The following DLGAP4 variants were observed in gnomAD, a reference collection of about 807,000 sequenced individuals.
DLGAP4 encodes DLG associated protein 4.
Under a neutral mutation model 86.9 loss-of-function variants are expected in DLGAP4, and 18 were observed. The ratio of observed to expected loss-of-function variants is 0.21; its 90% CI spans 0.14 to 0.31. DLGAP4 has a LOEUF of 0.31. Among genes scored for constraint, DLGAP4 ranks in the 10% least tolerant of loss-of-function variants. The probability of loss-of-function intolerance (pLI) is 1.00; values close to 1 mark genes in which losing one functional copy is unlikely to be tolerated. For missense variants in DLGAP4, 1,085 were observed against 1,362.6 expected, an observed-to-expected ratio of 0.80 and a Z score of 3.21; for synonymous variants, 548 against 574.3, an observed-to-expected ratio of 0.95 and a Z score of 0.65.
chr20:36,467,257 A>G (rs1341477443), intron 7 of DLGAP4, among the ~76,000 whole-genome samples: 1 of 152,226 alleles, frequency 6.6e-6, no homozygotes, highest in Admixed American at 6.5e-5. Context: ...CTGAGAAGGA[A>G]GAAGTGAGCA....
intron 6 of DLGAP4, 78 bp from the exon 7 acceptor site, chr20:36,446,617 CCT>C: frequency 7.1e-7 from 1 of 1,402,238 alleles, no homozygotes; most frequent in Middle Eastern, 2.4e-4. Flanking sequence ...CCAGCCCTGC[CCT>C]GAGCCCACCA....
Position 36,436,171 on chromosome 20 carries a change from G to A in DLGAP4, c.1062G>A (p.Ala354=), listed in dbSNP as rs1600525879. 1 of 1,597,608 alleles carries A rather than the reference G, an allele frequency of 6.3e-7. No homozygotes were observed. The highest frequency in any genetic ancestry group is 8.5e-7 in the Non-Finnish European group (1 of 1,177,412). ...TLLSPRETDA[A]AEGPIPCRRM... is the part of the protein sequence containing the mutation. ...TGTCCCCACGCGAGACGGATGCCGC[G>A]GCCGAGGGCCCTATCCCGTGCCGGC... Residue 354 remains alanine (A), a synonymous_variant, in exon 4 of 13, where the codon GCG becomes GCA. Coordinates refer to ENST00000339266, the MANE Select transcript of DLGAP4 (RefSeq NM_001365621.2).
chr20:36,412,573 C>T (rs1465733336), intron 2 of DLGAP4, among the ~76,000 whole-genome samples: 2 of 152,220 alleles, frequency 1.3e-5, no homozygotes, highest in Non-Finnish European at 2.9e-5. Flanking sequence ...TCATTTCTCT[C>T]TATGCCTCTG....
At chr20:36,373,921 C>G (rs1045298038) in intron 2 of DLGAP4, among the ~76,000 whole-genome samples, 1 of 151,088 alleles carries the variant, frequency 6.6e-6, no homozygotes. Context: ...CCTGTAATCC[C>G]AGCCACTCGG....
intron 2 of DLGAP4, among the ~76,000 whole-genome samples, chr20:36,409,860 C>T (rs1263757048): frequency 4.0e-5 from 6 of 151,624 alleles, no homozygotes; most frequent in African/African-American, 9.7e-5. Flanking sequence ...GGTGAAACCC[C>T]GTCTCTACTA....
intron 2 of DLGAP4, among the ~76,000 whole-genome samples, chr20:36,379,263 C>T (rs937317524): frequency 2.0e-5 from 3 of 152,174 alleles, no homozygotes; most frequent in Admixed American, 2.0e-4. Flanking sequence ...CCCTGGAGGC[C>T]TCGAGGGCCA....
chr20:36,459,150 C>T (rs1423947591), intron 7 of DLGAP4, among the ~76,000 whole-genome samples: 1 of 152,062 alleles, frequency 6.6e-6, no homozygotes, highest in Non-Finnish European at 1.5e-5. Flanking sequence ...AGGCTGTGGT[C>T]CAGCCAACTC....
chr20:36,487,309 A>T (rs150696481), intron 7 of DLGAP4, among the ~76,000 whole-genome samples: 114 of 152,300 alleles, frequency 7.5e-4, no homozygotes, highest in African/African-American at 2.6e-3. Context: ...GACTCTTGAG[A>T]TAGTAGGTGA....
At chr20:36,417,948 C>A (rs762484437) in intron 2 of DLGAP4, among the ~76,000 whole-genome samples, 1 of 151,698 alleles carries the variant, frequency 6.6e-6, no homozygotes, top group Non-Finnish European at 1.5e-5. Flanking sequence ...CCATGCCCAG[C>A]TAATTTTTGT....
intron 2 of DLGAP4, among the ~76,000 whole-genome samples, chr20:36,423,455 CAAAAAAAAAAAAA>C (rs11434258): frequency 1.8e-4 from 3 of 16,338 alleles, no homozygotes; most frequent in East Asian, 1.6e-3. Flanking sequence ...GACTCCGTCT[CAAAAAAAAAAAAA>C]AAAAAAAAAA....
At chr20:36,471,921 C>A (rs781088487) in intron 7 of DLGAP4, among the ~76,000 whole-genome samples, 2 of 152,132 alleles carry the variant, frequency 1.3e-5, no homozygotes, top group Non-Finnish European at 2.9e-5. Flanking sequence ...AAAGATCATA[C>A]TTAGGGGCTC....
At chr20:36,482,022 C>T (rs936447359) in intron 7 of DLGAP4, among the ~76,000 whole-genome samples, 3 of 152,110 alleles carry the variant, frequency 2.0e-5, no homozygotes, top group African/African-American at 7.2e-5. Context: ...CTCTGTCCCC[C>T]GGGTGTGCCT....
Position 36,431,858 on chromosome 20 carries a change from C to T in DLGAP4, c.141C>T (p.Pro47=), listed in dbSNP as rs546937541. Reference sequence around the variant, plus strand: ...CCTTCGCCCGCGAGGCCCGCTTCCCCGGGCAGAACACCCTGCCAGGAGATG... The same window carrying T: ...CCTTCGCCCGCGAGGCCCGCTTCCCTGGGCAGAACACCCTGCCAGGAGATG... ...TEAFAREARF[P]GQNTLPGDGL... The change falls in exon 3 of 13, where the codon CCC becomes CCT. Residue 47 remains proline (P), a synonymous_variant. Transcript: ENST00000339266. The surrounding 1 kb of genome is among the most constrained non-coding windows in gnomAD (Gnocchi z 5.1). The T allele has an allele frequency of 1.1e-5, 17 of 1,614,070 alleles. No individual in the cohort carries two copies. Among genetic ancestry groups the T allele is most frequent in the South Asian group, 8.8e-5 (8 of 91,076 alleles).
intron 2 of DLGAP4, among the ~76,000 whole-genome samples, chr20:36,418,517 A>G (rs4305332): frequency 0.77 from 116,614 of 152,136 alleles, 45,086 homozygotes; most frequent in African/African-American, 0.86. Flanking sequence ...TTATCTTTTC[A>G]GTGTCTACCA....
intron 1 of DLGAP4, among the ~76,000 whole-genome samples, chr20:36,363,955 AG>A (rs1330128144): frequency 6.6e-6 from 1 of 152,154 alleles, no homozygotes; most frequent in African/African-American, 2.4e-5. Flanking sequence ...AGTAACGGGC[AG>A]GAGGGAAGGG....
chr20:36,436,711 G>A (rs1388411825), intron 4 of DLGAP4, among the ~76,000 whole-genome samples: 3 of 152,124 alleles, frequency 2.0e-5, no homozygotes, highest in Non-Finnish European at 4.4e-5. Flanking sequence ...AGCTACTCGG[G>A]AGGCTGAGAC....
intron 11 of DLGAP4, 61 bp from the exon 12 acceptor site, chr20:36,525,790 T>C (rs1600727536): frequency 3.8e-6 from 6 of 1,591,878 alleles, no homozygotes; most frequent in Non-Finnish European, 4.3e-6. Flanking sequence ...TGTTGGGGGG[T>C]TGGGGGGAGC....
At chr20:36,358,055 C>T (rs1337624295) in intron 1 of DLGAP4, among the ~76,000 whole-genome samples, 1 of 152,214 alleles carries the variant, frequency 6.6e-6, no homozygotes, top group African/African-American at 2.4e-5. Flanking sequence ...TCCGAGCCAG[C>T]TCTGCTGTCA....
chr20:36,505,790 A>G (rs1402470385), intron 10 of DLGAP4, among the ~76,000 whole-genome samples: 9 of 152,142 alleles, frequency 5.9e-5, no homozygotes, highest in Non-Finnish European at 1.3e-4. Flanking sequence ...AAAGGAAAAA[A>G]TCATAAGGAA....
Sources: allele counts gnomAD v4.1 joint callset (sites outside exome capture counted in the v4.1 genomes callset), GRCh38; gene constraint gnomAD v4.1.1; non-coding constraint Gnocchi (gnomAD v3.1); transcripts MANE v1.5; gene names NCBI Gene and HGNC (gene_info 2026-07-23, HGNC 2026-07-21).